TRPM2: variants seen among roughly 807,000 people sequenced by gnomAD.
TRPM2 encodes the protein estrogen-responsive element-associated gene 1 protein.
In TRPM2, 161 loss-of-function variants were observed where a neutral mutation model predicts 174.0. That is an observed-to-expected ratio of 0.93 (90% confidence interval 0.81 to 1.05). The LOEUF (loss-of-function observed/expected upper bound fraction) is 1.05. TRPM2 is among the 50% of genes least tolerant of loss of function. The probability of loss-of-function intolerance (pLI) is 0.00; values close to 1 mark genes in which losing one functional copy is unlikely to be tolerated. For missense variants in TRPM2, 2,057 were observed against 2,038.0 expected (o/e 1.01, Z -0.18); for synonymous variants, 954 against 861.3 (o/e 1.11, Z -1.88).
intron 5 of TRPM2, among the ~76,000 whole-genome samples, chr21:44,374,558 G>C (rs57196461): frequency 6.6e-6 from 1 of 152,200 alleles, no homozygotes; most frequent in East Asian, 1.9e-4. Context: ...GCAGCTAGAC[G>C]GTCCCATCAT....
intron 16 of TRPM2, 39 bp downstream of exon 16, chr21:44,401,936 C>A: frequency 3.1e-6 from 5 of 1,609,588 alleles, no homozygotes; most frequent in Non-Finnish European, 4.2e-6. Context: ...CAGCCCGGGG[C>A]CACCCACTTG....
intron 22 of TRPM2, among the ~76,000 whole-genome samples, chr21:44,421,928 T>C (rs2050565205): frequency 6.6e-6 from 1 of 152,042 alleles, no homozygotes; most frequent in African/African-American, 2.4e-5. Context: ...AATGCATATT[T>C]GTATGTGAGT....
At chr21:44,426,882 C>A (rs1220714883) in intron 26 of TRPM2, 128 bp from the exon 27 acceptor site, 3 of 1,335,684 alleles carry the variant, frequency 2.2e-6, no homozygotes, top group Non-Finnish European at 3.1e-6. Flanking sequence ...GGCCCAGCTC[C>A]TACTGTTGTG....
intron 15 of TRPM2, among the ~76,000 whole-genome samples, chr21:44,401,120 C>T (rs914649568): frequency 1.3e-5 from 2 of 152,292 alleles, no homozygotes. Flanking sequence ...TAAAGCAGTG[C>T]TGGCTTCTCT....
rs773414996 is a variant in TRPM2 at position 44,353,656 on chromosome 21, C to G, written c.-45C>G. On this transcript the variant is annotated 5_prime_UTR_variant, in exon 1 of 32. Coordinates refer to ENST00000397928, the MANE Select transcript of TRPM2 (RefSeq NM_003307.4). ...TGTAGCGAGCTGGAGAGAGGACTGT[C>G]CTGAGGGCAGCAGGCCTGGTTGCAG... 22 of 1,440,076 alleles carry G rather than the reference C, an allele frequency of 1.5e-5. No individual in the cohort carries two copies. Among genetic ancestry groups the G allele is most frequent in the Non-Finnish European group, 1.9e-5 (21 of 1,097,690 alleles). 89.2% of individuals were successfully genotyped at this position (1,440,076 alleles called of 1,614,324 possible).
At chr21:44,387,928 T>C (rs1602190298) in intron 9 of TRPM2, among the ~76,000 whole-genome samples, 1 of 152,190 alleles carries the variant, frequency 6.6e-6, no homozygotes, top group Non-Finnish European at 1.5e-5. Context: ...ACTGGAGCCC[T>C]TGTGCACTGT....
At chr21:44,352,435 C>T (rs1034248510), upstream of TRPM2, among the ~76,000 whole-genome samples, 4 of 152,212 alleles carry the variant, frequency 2.6e-5, no homozygotes, top group African/African-American at 7.2e-5. Context: ...TGCGTGGCCC[C>T]GAAGAGGGGC....
chr21:44,380,865 C>T (rs557231923), intron 8 of TRPM2, among the ~76,000 whole-genome samples: 44 of 152,296 alleles, frequency 2.9e-4, no homozygotes, highest in Non-Finnish European at 5.6e-4. Context: ...GACGAGGAAA[C>T]GAGGCCCTGG....
rs2049825248 is a variant in TRPM2 at position 44,405,213 on chromosome 21, G to A, written c.2610G>A (p.Lys870=). The change falls in exon 17 of 32, where the codon AAG becomes AAA. Residue 870 remains lysine, a synonymous_variant. Coordinates refer to ENST00000397928, the MANE Select transcript of TRPM2 (RefSeq NM_003307.4). ...TGTACTTCAGTGACTTCTGGAATAAGCTGGACGTCGGCGCAATCTTGCTCT... is the reference window on the plus strand; with the variant it reads ...TGTACTTCAGTGACTTCTGGAATAAACTGGACGTCGGCGCAATCTTGCTCT... ...AALYFSDFWN[K]LDVGAILLFV... The A allele has an allele frequency of 6.2e-7, 1 of 1,613,468 alleles. No homozygotes were observed. The highest frequency in any genetic ancestry group is 1.6e-4 in the Middle Eastern group (1 of 6,062).
Position 44,395,418 on chromosome 21 carries a change from A to G in TRPM2, c.1799A>G (p.Gln600Arg), listed in dbSNP as rs1325702410. 1 of 1,612,634 alleles carries G rather than the reference A, an allele frequency of 6.2e-7. No individual in the cohort carries two copies. Among genetic ancestry groups the G allele is most frequent in the East Asian group, 2.2e-5 (1 of 44,876 alleles). The stretch of plus-strand genomic sequence containing the variant: ...TGACAGTTCACTGCTCACCAGGTGC[A>G]GGGAGTGAGCCTCCGGTCCCTCTAC... ...LPVPHVKLNV[Q>R]GVSLRSLYKR... Residue 600 changes from glutamine to arginine, a missense_variant, in exon 12 of 32, where the codon CAG becomes CGG. Coordinates refer to ENST00000397928, the MANE Select transcript of TRPM2 (RefSeq NM_003307.4).
intron 19 of TRPM2, among the ~76,000 whole-genome samples, chr21:44,409,130 G>T (rs531986487): frequency 1.3e-5 from 2 of 152,108 alleles, no homozygotes. Flanking sequence ...GTCATTTGAT[G>T]CACGAGCTTT....
chr21:44,378,903 C>T (rs529383424), intron 7 of TRPM2, 94 bp from the exon 8 acceptor site: 2 of 1,350,426 alleles, frequency 1.5e-6, no homozygotes, highest in Admixed American at 1.8e-5. Context: ...TTAGCCAGCT[C>T]TGCCCTTAGC....
intron 19 of TRPM2, among the ~76,000 whole-genome samples, chr21:44,407,754 G>C (rs898094858): frequency 1.3e-5 from 2 of 151,662 alleles, no homozygotes; most frequent in South Asian, 2.1e-4. Context: ...TTGTCACCGT[G>C]TATCAGTATT....
At position 44,354,858 on chromosome 21, in the gene TRPM2, C is replaced by T. The variant is rs2048010528; in HGVS notation, c.254+122C>T. The T allele has an allele frequency of 1.2e-6, 1 of 839,280 alleles. No individual in the cohort carries two copies. The highest frequency in any genetic ancestry group is 2.0e-6 in the Non-Finnish European group (1 of 498,106). 52.0% of individuals were successfully genotyped at this position (839,280 alleles called of 1,614,324 possible). A position where few individuals can be genotyped will look rare whatever the true frequency, so the allele number is the denominator to read the frequency against. ...AGGGTCACTGGAGATACCTCTGTCT[C>T]CATACGAGGCTTAGAGTCCACAGAG... On this transcript the variant is annotated intron_variant, in intron 2 of 31. Coordinates refer to ENST00000397928, the MANE Select transcript of TRPM2 (RefSeq NM_003307.4). The surrounding 1 kb of genome is among the most constrained non-coding windows in gnomAD (Gnocchi z 4.3).
rs1364693581 is a variant in TRPM2 at position 44,397,821 on chromosome 21, G to A, written c.2007G>A (p.Thr669=). The A allele has an allele frequency of 1.4e-5, 22 of 1,608,442 alleles. No individual in the cohort carries two copies. Among genetic ancestry groups the A allele is most frequent in the Middle Eastern group, 1.7e-4 (1 of 6,040 alleles). Residue 669 remains threonine (T), a synonymous_variant, in exon 13 of 32, where the codon ACG becomes ACA. Coordinates refer to ENST00000397928, the MANE Select transcript of TRPM2 (RefSeq NM_003307.4). The stretch of plus-strand genomic sequence containing the variant: ...AACTGTCCAAGGAGGAGGAGGACAC[G>A]GACAGCTCGGAGGAGATGCTGGCGC... The part of the protein sequence containing the change: ...LKELSKEEED[T]DSSEEMLALA...
At position 44,366,704 on chromosome 21, in the gene TRPM2, C is replaced by T. The variant is rs764308189; in HGVS notation, c.424-50C>T. 6.2e-7 allele frequency: 1 copy of T among 1,611,408 alleles called. No individual in the cohort carries two copies. The highest frequency in any genetic ancestry group is 1.1e-5 in the South Asian group (1 of 90,940). On this transcript the variant is annotated intron_variant, in intron 3 of 31. Transcript: ENST00000397928. The surrounding 1 kb of genome is among the most constrained non-coding windows in gnomAD (Gnocchi z 6.0). ...CATGGCCTGTGTGGGTCGGTGCTGT[C>T]CCTGACCACTGACACACAGGTTCCC... is the stretch of plus-strand genomic sequence containing the variant.
chr21:44,434,218 G>A (rs1416522746), intron 27 of TRPM2, among the ~76,000 whole-genome samples: 1 of 152,188 alleles, frequency 6.6e-6, no homozygotes, highest in Admixed American at 6.5e-5. Context: ...TCCCCACTGT[G>A]GCATGGATGG....
intron 8 of TRPM2, 143 bp from the exon 9 acceptor site, chr21:44,382,575 G>A: frequency 1.5e-6 from 1 of 678,764 alleles, no homozygotes; most frequent in Non-Finnish European, 2.6e-6. Context: ...TCTAGGGCAA[G>A]AGGAGATGTG....
chr21:44,406,782 A>C lies in TRPM2; in HGVS notation c.2962+17A>C. The C allele has an allele frequency of 6.3e-7, 1 of 1,588,722 alleles. No homozygotes were observed. Among genetic ancestry groups the C allele is most frequent in the Non-Finnish European group, 8.5e-7 (1 of 1,169,994 alleles). On this transcript the variant is annotated intron_variant, in intron 19 of 31. Coordinates refer to ENST00000397928, the MANE Select transcript of TRPM2 (RefSeq NM_003307.4). Reference sequence around the variant, plus strand: ...ACATCGACGGTAGGAGCCGGGCGCCATGGGAGCTCGGGTGGTGCTGCCGGG... The same window carrying C: ...ACATCGACGGTAGGAGCCGGGCGCCCTGGGAGCTCGGGTGGTGCTGCCGGG...
Sources: allele counts gnomAD v4.1 joint callset (sites outside exome capture counted in the v4.1 genomes callset), GRCh38; gene constraint gnomAD v4.1.1; non-coding constraint Gnocchi (gnomAD v3.1); transcripts MANE v1.5; gene names NCBI Gene and HGNC (gene_info 2026-07-23, HGNC 2026-07-21).